CCSER1: variants seen among roughly 807,000 people sequenced by gnomAD.
The protein encoded by CCSER1 is serine-rich coiled-coil domain-containing protein 1.
A neutral mutation model predicts 82.0 loss-of-function variants in CCSER1; 41 were observed. The ratio of observed to expected loss-of-function variants is 0.50; its 90% CI spans 0.39 to 0.65. The LOEUF (loss-of-function observed/expected upper bound fraction) is 0.65. Ranked by LOEUF, CCSER1 falls within the 30% of genes least tolerant of loss-of-function variation. CCSER1 has a pLI of 0.00. For missense variants in CCSER1, 1,119 were observed against 1,064.2 expected, an observed-to-expected ratio of 1.05 and a Z score of -0.72; for synonymous variants, 414 against 383.9, an observed-to-expected ratio of 1.08 and a Z score of -0.92.
intron 1 of CCSER1, among the ~76,000 whole-genome samples, chr4:90,194,440 CTCTG>C (rs1444675168): frequency 2.0e-5 from 3 of 152,004 alleles, no homozygotes; most frequent in Non-Finnish European, 4.4e-5. Flanking sequence ...GATAGGTACA[CTCTG>C]TCTTATATGC....
intron 1 of CCSER1, among the ~76,000 whole-genome samples, chr4:90,304,409 C>T (rs1220476980): frequency 6.6e-6 from 1 of 152,126 alleles, no homozygotes; most frequent in Admixed American, 6.6e-5. Flanking sequence ...AAATGTCCAT[C>T]AATGATAGAC....
In CCSER1 at chr4:91,556,707, T is replaced by G. The variant is rs1322580878; in HGVS notation, c.2218-41865T>G. Among the ~76,000 whole-genome samples, 28 of 151,108 alleles carry G rather than the reference T, an allele frequency of 1.9e-4. 1 individual carries two copies. The Admixed American group carries it at 1.9e-3, about 10-fold the overall frequency. On this transcript the variant is annotated intron_variant, in intron 10 of 10. Coordinates refer to ENST00000509176, the MANE Select transcript of CCSER1 (RefSeq NM_001145065.2). ...AATGGGCTTTCCTGTGAGAATATTTTCTAATATTTCAGCAACTTTCATTTA... is the reference window on the plus strand; with the variant it reads ...AATGGGCTTTCCTGTGAGAATATTTGCTAATATTTCAGCAACTTTCATTTA...
chr4:90,606,169 G>A (rs139221005), intron 5 of CCSER1, among the ~76,000 whole-genome samples: 2 of 150,760 alleles, frequency 1.3e-5, no homozygotes. Context: ...AATAAGTTAT[G>A]GCCATTATCT....
Position 90,757,190 on chromosome 4 carries a change from T to A in CCSER1, c.2010+33199T>A, listed in dbSNP as rs1179566839. On this transcript the variant is annotated intron_variant, in intron 7 of 10. Transcript: ENST00000509176. ...ATCTTCATTGGCTTTTGTTTATGAT[T>A]CTGGAATGAGGCAAAACCCCATTCT... Among the ~76,000 whole-genome samples the A allele has an allele frequency of 3.3e-5, 5 of 152,224 alleles. No homozygotes were observed. The East Asian group carries it at 9.6e-4, about 29-fold the overall frequency.
chr4:90,353,387 T>A (rs904044261), intron 3 of CCSER1, among the ~76,000 whole-genome samples: 6 of 152,096 alleles, frequency 3.9e-5, no homozygotes, highest in Non-Finnish European at 8.8e-5. Context: ...CTTTGTCAGA[T>A]TGAACATTAA....
In CCSER1 at chr4:90,268,876, C is replaced by CA. The variant is rs565151719; in HGVS notation, c.-41-39359dup. Reference sequence around the variant, plus strand: ...AAAAGATACTCCATGGAAATGGAAACAAAAAAAAATAAGAGTAGCTACACT... The same window carrying CA: ...AAAAGATACTCCATGGAAATGGAAACAAAAAAAAAATAAGAGTAGCTACACT... On this transcript the variant is annotated intron_variant, in intron 1 of 10. Coordinates refer to ENST00000509176, the MANE Select transcript of CCSER1 (RefSeq NM_001145065.2). Among the ~76,000 whole-genome samples the CA allele has an allele frequency of 6.1e-4, 90 of 148,524 alleles. No individual in the cohort carries two copies. The East Asian group carries it at 8.7e-3, about 14-fold the overall frequency.
chr4:91,566,426 T>A (rs758395917), intron 10 of CCSER1, among the ~76,000 whole-genome samples: 250 of 152,266 alleles, frequency 1.6e-3, no homozygotes, highest in Non-Finnish European at 2.5e-3. Flanking sequence ...GAGGAGCCCC[T>A]CCTCCTCAAT....
Position 90,281,111 on chromosome 4 carries a change from G to A in CCSER1, c.-41-27133G>A, listed in dbSNP as rs755331516. On this transcript the variant is annotated intron_variant, in intron 1 of 10. Coordinates refer to ENST00000509176, the MANE Select transcript of CCSER1 (RefSeq NM_001145065.2). ...TAGTGTGGATGTTAAGAATTTCTTA[G>A]CCATAAAAAAGAATGAGATAATGTC... Among the ~76,000 whole-genome samples the A allele has an allele frequency of 1.6e-4, 25 of 152,082 alleles. 1 individual carries two copies. Among genetic ancestry groups the A allele is most frequent in the Middle Eastern group, 6.8e-3 (2 of 294 alleles).
chr4:90,313,140 T>C, intron 3 of CCSER1, 93 bp downstream of exon 3: 1 of 1,029,630 alleles, frequency 9.7e-7, no homozygotes, highest in Non-Finnish European at 1.4e-6. Context: ...GACTACAGGA[T>C]AGACACCTCA....
intron 10 of CCSER1, among the ~76,000 whole-genome samples, chr4:91,486,187 T>C (rs540056889): frequency 3.5e-4 from 53 of 151,906 alleles, no homozygotes; most frequent in African/African-American, 1.2e-3. Context: ...TATTTAAAAA[T>C]ATATTTGTTA....
At chr4:90,198,391 C>T (rs1737001302) in intron 1 of CCSER1, among the ~76,000 whole-genome samples, 2 of 152,100 alleles carry the variant, frequency 1.3e-5, no homozygotes, top group Admixed American at 6.6e-5. Context: ...TTGCCAGGAA[C>T]CAGAGGCAGA....
At chr4:90,918,473 G>A (rs1212282743) in intron 8 of CCSER1, 3 of 329,520 alleles carry the variant, frequency 9.1e-6, no homozygotes, top group African/African-American at 6.5e-5. Context: ...TTAAAAGCCA[G>A]TTGTACTGGC....
At chr4:91,426,852 T>C (rs1171161723) in intron 10 of CCSER1, among the ~76,000 whole-genome samples, 1 of 152,154 alleles carries the variant, frequency 6.6e-6, no homozygotes, top group Admixed American at 6.5e-5. Context: ...ATATGCTGGG[T>C]ACTAAGCATG....
At chr4:90,453,377 C>T (rs557822933) in intron 4 of CCSER1, among the ~76,000 whole-genome samples, 14 of 152,088 alleles carry the variant, frequency 9.2e-5, no homozygotes, top group Admixed American at 1.3e-4. Context: ...TTTTGTATCC[C>T]CAATATCAGG....
chr4:91,230,491 A>C (rs2149114473), intron 10 of CCSER1, among the ~76,000 whole-genome samples: 1 of 152,176 alleles, frequency 6.6e-6, no homozygotes, highest in Middle Eastern at 3.4e-3. Context: ...CCAGAATAGG[A>C]TAGTTGGAAA....
chr4:91,229,363 A>T (rs1369303997), intron 10 of CCSER1, among the ~76,000 whole-genome samples: 1 of 151,992 alleles, frequency 6.6e-6, no homozygotes, highest in African/African-American at 2.4e-5. Context: ...TTAAAAAAAA[A>T]ACAGAGTACT....
chr4:91,036,322 T>C (rs1244740478), intron 9 of CCSER1, among the ~76,000 whole-genome samples: 1 of 152,194 alleles, frequency 6.6e-6, no homozygotes, highest in East Asian at 1.9e-4. Context: ...ATTTGATGAT[T>C]AATTTTGTGA....
chr4:90,641,852 G>C (rs139414653), intron 6 of CCSER1: 2 of 228,474 alleles, frequency 8.8e-6, no homozygotes, highest in Admixed American at 8.2e-5. Context: ...TACCTAACTG[G>C]TGTGGTAATC....
At chr4:90,533,136 G>A (rs1202839724) in intron 5 of CCSER1, among the ~76,000 whole-genome samples, 1 of 124,796 alleles carries the variant, frequency 8.0e-6, no homozygotes, top group Non-Finnish European at 1.6e-5. Flanking sequence ...CTGTCGCCCA[G>A]ACTGGAGTGC....
Sources: allele counts gnomAD v4.1 joint callset (sites outside exome capture counted in the v4.1 genomes callset), GRCh38; gene constraint gnomAD v4.1.1; transcripts MANE v1.5; gene names NCBI Gene and HGNC (gene_info 2026-07-23, HGNC 2026-07-21).